CENPK: variants seen among roughly 807,000 people sequenced by gnomAD.
CENPK encodes SoxLZ/Sox6-binding protein Solt.
A neutral mutation model predicts 40.9 loss-of-function variants in CENPK; 46 were observed. That is an observed-to-expected ratio of 1.13 (90% CI 0.89 to 1.44). The LOEUF (loss-of-function observed/expected upper bound fraction) is 1.44, where lower values mean the gene tolerates loss of function less well. CENPK is among the 40% of genes most tolerant of loss of function. The probability of loss-of-function intolerance (pLI) is 0.00; values close to 1 mark genes in which losing one functional copy is unlikely to be tolerated. For synonymous variants in CENPK, 107 were observed against 104.4 expected (o/e 1.02, Z -0.15); for missense variants, 288 against 303.5 (o/e 0.95, Z 0.38).
intron 6 of CENPK, among the ~76,000 whole-genome samples, chr5:65,532,266 A>G (rs1182665064): frequency 6.6e-6 from 1 of 152,160 alleles, no homozygotes; most frequent in African/African-American, 2.4e-5. Context: ...TTCATCTCTA[A>G]ATTTTTATTC....
the CENPK span, among the ~76,000 whole-genome samples, chr5:65,498,667 G>A: frequency 9.8e-6 from 1 of 101,942 alleles, no homozygotes; most frequent in Non-Finnish European, 2.0e-5. Context: ...GTCTGATTCT[G>A]TCTCTTTTTT....
rs1743014908 is a variant in CENPK, at chr5:65,517,940, T to A, written c.*535A>T. On this transcript the variant is annotated 3_prime_UTR_variant, in exon 11 of 11. Coordinates refer to ENST00000396679, the MANE Select transcript of CENPK (RefSeq NM_022145.5). Reference sequence around the variant, plus strand: ...ATCAATTTTATGCTAGCTTTATCCATTAGTTTTTCATATTCCAATTTTAAA... The same window carrying A: ...ATCAATTTTATGCTAGCTTTATCCAATAGTTTTTCATATTCCAATTTTAAA... 1 of 152,070 alleles carries A rather than the reference T, an allele frequency of 6.6e-6. No individual in the cohort carries two copies. Among genetic ancestry groups the A allele is most frequent in the Non-Finnish European group, 1.5e-5 (1 of 67,964 alleles). 9.4% of individuals were successfully genotyped at this position (152,070 alleles called of 1,614,324 possible).
chr5:65,530,735 C>A (rs79871714), intron 6 of CENPK, among the ~76,000 whole-genome samples: 1 of 152,082 alleles, frequency 6.6e-6, no homozygotes, highest in African/African-American at 2.4e-5. Flanking sequence ...ATGGTGAAAC[C>A]CTGTCTCTAT....
chr5:65,559,443 A>C (rs1408559349), intron 2 of CENPK, among the ~76,000 whole-genome samples: 3 of 151,520 alleles, frequency 2.0e-5, no homozygotes, highest in African/African-American at 7.3e-5. Flanking sequence ...TCCCGGCTAA[A>C]AGGGTGAAAC....
chr5:65,535,682 C>T (rs1424160101), intron 6 of CENPK, among the ~76,000 whole-genome samples: 2 of 152,166 alleles, frequency 1.3e-5, no homozygotes, highest in Admixed American at 6.5e-5. Context: ...TAAGCTTATC[C>T]CATGTGCCTT....
chr5:65,522,929 G>GT (rs2150348646), intron 9 of CENPK, among the ~76,000 whole-genome samples: 1 of 152,218 alleles, frequency 6.6e-6, no homozygotes, highest in East Asian at 1.9e-4. Context: ...ATTTAAGATG[G>GT]TATTAGCTTT....
chr5:65,560,084 T>C (rs1037375541), intron 2 of CENPK, among the ~76,000 whole-genome samples: 1 of 152,012 alleles, frequency 6.6e-6, no homozygotes, highest in Admixed American at 6.6e-5. Context: ...ACAGAAACTT[T>C]TAAAATCTTA....
intron 6 of CENPK, among the ~76,000 whole-genome samples, chr5:65,533,397 A>C (rs72762428): frequency 0.022 from 3,385 of 152,154 alleles, 36 homozygotes; most frequent in Non-Finnish European, 0.035. Flanking sequence ...ATAAGACTTC[A>C]TAAACTGTAA....
the CENPK span, among the ~76,000 whole-genome samples, chr5:65,504,962 A>G: frequency 2.0e-5 from 3 of 152,090 alleles, no homozygotes; most frequent in East Asian, 5.8e-4. Flanking sequence ...AAAGATGGTC[A>G]CTCACTGTCA....
At chr5:65,503,358 C>T in the CENPK span, among the ~76,000 whole-genome samples, 5 of 152,234 alleles carry the variant, frequency 3.3e-5, no homozygotes, top group South Asian at 1.0e-3. Context: ...CCGCCTGCCT[C>T]GGCCTCCCAG....
the CENPK span, among the ~76,000 whole-genome samples, chr5:65,510,382 C>T: frequency 6.6e-6 from 1 of 152,146 alleles, no homozygotes; most frequent in Admixed American, 6.5e-5. Flanking sequence ...TGATTGTCTC[C>T]TCCAAAAACC....
intron 6 of CENPK, among the ~76,000 whole-genome samples, chr5:65,534,338 A>G (rs1746485177): frequency 6.6e-6 from 1 of 152,066 alleles, no homozygotes. Flanking sequence ...AATTTCAATC[A>G]AAGTTCCAGC....
the CENPK span, among the ~76,000 whole-genome samples, chr5:65,505,054 A>G: frequency 2.6e-5 from 4 of 152,104 alleles, no homozygotes; most frequent in African/African-American, 9.7e-5. Context: ...TAGCCTCTCA[A>G]TTAGCTGGGA....
the CENPK span, among the ~76,000 whole-genome samples, chr5:65,498,017 T>C: frequency 1.3e-5 from 2 of 152,102 alleles, no homozygotes; most frequent in Admixed American, 6.5e-5. Context: ...AAGGAAGAAA[T>C]TGAATTTCAG....
chr5:65,501,699 TC>T, the CENPK span, among the ~76,000 whole-genome samples: 2 of 152,324 alleles, frequency 1.3e-5, no homozygotes, highest in Non-Finnish European at 2.9e-5. Context: ...GTCCACGTTC[TC>T]TGCTCAGGCT....
At chr5:65,515,217 T>TTTTTTTTTTTTTTTTG (rs1742780115), downstream of CENPK, among the ~76,000 whole-genome samples, 1 of 148,758 alleles carries the variant, frequency 6.7e-6, no homozygotes, top group Non-Finnish European at 1.5e-5. Flanking sequence ...TTTTTTTTTT[T>TTTTTTTTTTTTTTTTG]TTTTGAGACG....
chr5:65,528,836 C>T (rs1013266293), intron 8 of CENPK, 83 bp downstream of exon 8: 1 of 962,022 alleles, frequency 1.0e-6, no homozygotes, highest in Non-Finnish European at 1.5e-6. Context: ...TTCCTGGTAA[C>T]ATTTAACTTC....
intron 10 of CENPK, among the ~76,000 whole-genome samples, chr5:65,519,374 T>C (rs1032686656): frequency 6.6e-6 from 1 of 152,204 alleles, no homozygotes; most frequent in Non-Finnish European, 1.5e-5. Flanking sequence ...GTTACAATTG[T>C]TTGAATACTA....
intron 9 of CENPK, 73 bp downstream of exon 9, chr5:65,528,379 A>C: frequency 1.4e-6 from 2 of 1,411,766 alleles, no homozygotes; most frequent in African/African-American, 1.5e-5. Context: ...CTAAATAAGA[A>C]AATATGCTTC....
Sources: allele counts gnomAD v4.1 joint callset (sites outside exome capture counted in the v4.1 genomes callset), GRCh38; gene constraint gnomAD v4.1.1; transcripts MANE v1.5; gene names NCBI Gene and HGNC (gene_info 2026-07-23, HGNC 2026-07-21).